ARSG: variants seen among roughly 807,000 people sequenced by gnomAD.
ARSG encodes arylsulfatase G.
ARSG carries 37 observed loss-of-function variants against 50.5 expected under a neutral mutation model. The ratio of observed to expected loss-of-function variants is 0.73; its 90% CI spans 0.56 to 0.96. ARSG has a LOEUF of 0.96. Among genes scored for constraint, ARSG ranks in the 50% least tolerant of loss-of-function variants. The pLI, the probability that ARSG is intolerant of heterozygous loss-of-function variation, is 0.00. For synonymous variants in ARSG, 225 were observed against 254.6 expected (o/e 0.88, Z 1.11); for missense variants, 629 against 675.3 (o/e 0.93, Z 0.76).
At chr17:68,386,571 G>C (rs1044487845) in intron 9 of ARSG, among the ~76,000 whole-genome samples, 1 of 152,162 alleles carries the variant, frequency 6.6e-6, no homozygotes, top group Non-Finnish European at 1.5e-5. Context: ...AGGGGGCAGC[G>C]TGCTGTCAGC....
At chr17:68,436,486 A>G in the ARSG span, 4 of 1,613,146 alleles carry the variant, frequency 2.5e-6, no homozygotes, top group Non-Finnish European at 2.5e-6. Context: ...AGACCTGGCA[A>G]AGAAGAAACA....
intron 1 of ARSG, among the ~76,000 whole-genome samples, chr17:68,276,168 A>T (rs2145029944): frequency 6.6e-6 from 1 of 150,892 alleles, no homozygotes; most frequent in South Asian, 2.1e-4. Flanking sequence ...ATCTCAGCTC[A>T]CTGCAACCTC....
At chr17:68,385,212 G>A (rs556200141) in intron 9 of ARSG, 40 bp downstream of exon 9, 2 of 1,585,760 alleles carry the variant, frequency 1.3e-6, no homozygotes, top group Middle Eastern at 1.7e-4. Context: ...GGGGCCCAGA[G>A]CAAGAAAAGT....
chr17:68,430,107 G>A, the ARSG span: 2 of 1,614,152 alleles, frequency 1.2e-6, no homozygotes, highest in African/African-American at 1.3e-5. Flanking sequence ...GTTGGTAGCA[G>A]CCATAAACAT....
At chr17:68,359,671 C>G (rs1317098729) in intron 6 of ARSG, 1 of 152,302 alleles carries the variant, frequency 6.6e-6, no homozygotes, top group East Asian at 1.9e-4. Context: ...CCACCCCTCG[C>G]TCAGCCACAT....
intron 2 of ARSG, among the ~76,000 whole-genome samples, chr17:68,331,785 G>T (rs557936995): frequency 6.6e-6 from 1 of 152,306 alleles, no homozygotes; most frequent in East Asian, 1.9e-4. Context: ...AAAGCTGGGT[G>T]TCCGGGGGAG....
chr17:68,308,278 G>A (rs1229173415), intron 2 of ARSG, among the ~76,000 whole-genome samples: 7 of 152,128 alleles, frequency 4.6e-5, no homozygotes, highest in East Asian at 1.9e-4. Context: ...GCAAACCCTC[G>A]CGGTGAGTGT....
chr17:68,433,790 T>G, the ARSG span, among the ~76,000 whole-genome samples: 2 of 73,134 alleles, frequency 2.7e-5, no homozygotes, highest in African/African-American at 1.0e-4. Context: ...TTTTTTTTTT[T>G]TTTTTTTTGA....
At chr17:68,356,439 C>A (rs2041981) in intron 5 of ARSG, among the ~76,000 whole-genome samples, 3 of 152,264 alleles carry the variant, frequency 2.0e-5, no homozygotes, top group Non-Finnish European at 2.9e-5. Flanking sequence ...TCTTTGCAAG[C>A]TTTACAGAGT....
chr17:68,275,069 C>T (rs543647395), intron 1 of ARSG, among the ~76,000 whole-genome samples: 117 of 152,240 alleles, frequency 7.7e-4, no homozygotes, highest in Non-Finnish European at 1.5e-3. Context: ...CGTGAGCCAC[C>T]GCGCCCAGCC....
intron 2 of ARSG, among the ~76,000 whole-genome samples, chr17:68,332,741 T>C (rs2077831317): frequency 6.6e-6 from 1 of 152,244 alleles, no homozygotes; most frequent in South Asian, 2.1e-4. Flanking sequence ...TATGTTCTTC[T>C]GCCATGGCTT....
chr17:68,398,125 A>T (rs1396161062), intron 10 of ARSG, among the ~76,000 whole-genome samples: 1 of 152,210 alleles, frequency 6.6e-6, no homozygotes, highest in African/African-American at 2.4e-5. Context: ...CCACATCTGT[A>T]TACATACATG....
At position 68,378,643 on chromosome 17, in the gene ARSG, C is replaced by T. The variant is rs1056041161; in HGVS notation, c.983-6421C>T. ...CAGGAGGCCTGGCTCTCCCAGCAGC[C>T]GCCTTCCCTTCTCCATGCCAGATCT... On this transcript the variant is annotated intron_variant, in intron 8 of 11. Coordinates refer to ENST00000621439, the MANE Select transcript of ARSG (RefSeq NM_001267727.2). The surrounding 1 kb of genome is among the most constrained non-coding windows in gnomAD (Gnocchi z 4.4). Among the ~76,000 whole-genome samples the T allele has an allele frequency of 1.3e-5, 2 of 152,184 alleles. No homozygotes were observed. The highest frequency in any genetic ancestry group is 1.9e-4 in the East Asian group (1 of 5,184).
At chr17:68,421,748 C>T (rs1297260472), downstream of ARSG, 6 of 1,614,046 alleles carry the variant, frequency 3.7e-6, no homozygotes, top group African/African-American at 2.7e-5. Context: ...GGGGGGATGT[C>T]CTGATTTCTG....
rs1393554098 is a variant in ARSG at position 68,378,578 on chromosome 17, A to T, written c.983-6486A>T. On this transcript the variant is annotated intron_variant, in intron 8 of 11. Coordinates refer to ENST00000621439, the MANE Select transcript of ARSG (RefSeq NM_001267727.2). This position sits in a 1 kb window ranked among gnomAD's most constrained non-coding sequence, Gnocchi z 4.4. Reference sequence around the variant, plus strand: ...CCTTCTCCCGAAGAAGAAGGGCACGAGTCAGACACCCCTGCTGTCTCTGAG... The same window carrying T: ...CCTTCTCCCGAAGAAGAAGGGCACGTGTCAGACACCCCTGCTGTCTCTGAG... Among the ~76,000 whole-genome samples, 1 of 152,134 alleles carries T rather than the reference A, an allele frequency of 6.6e-6. No homozygotes were observed. The highest frequency in any genetic ancestry group is 1.9e-4 in the East Asian group (1 of 5,172).
At chr17:68,276,381 A>G (rs1159086306) in intron 1 of ARSG, among the ~76,000 whole-genome samples, 1 of 152,224 alleles carries the variant, frequency 6.6e-6, no homozygotes, top group African/African-American at 2.4e-5. Context: ...AACTTCAGAG[A>G]TAACAGTTCC....
intron 3 of ARSG, among the ~76,000 whole-genome samples, chr17:68,346,216 T>A (rs1195295425): frequency 6.6e-6 from 1 of 152,164 alleles, no homozygotes; most frequent in Non-Finnish European, 1.5e-5. Context: ...ATTAATCTTT[T>A]TTTTCAATCC....
chr17:68,300,223 C>T (rs994471625), intron 1 of ARSG, among the ~76,000 whole-genome samples: 5 of 152,092 alleles, frequency 3.3e-5, no homozygotes, highest in Admixed American at 6.5e-5. Flanking sequence ...TGGGATTACA[C>T]GTGTGGCCCA....
intron 11 of ARSG, among the ~76,000 whole-genome samples, chr17:68,415,259 T>A (rs2082294196): frequency 6.6e-6 from 1 of 152,220 alleles, no homozygotes; most frequent in African/African-American, 2.4e-5. Flanking sequence ...TAAATTTCCA[T>A]CTTGATTTCA....
Sources: gnomAD v4.1 joint callset for allele counts (sites outside exome capture counted in the v4.1 genomes callset) on GRCh38, gnomAD v4.1.1 for gene constraint, Gnocchi (gnomAD v3.1) non-coding constraint, MANE v1.5 for transcripts, NCBI Gene and HGNC (gene_info 2026-07-23, HGNC 2026-07-21) for gene names.